The following MATN2 variants were observed in gnomAD, a reference collection of about 807,000 sequenced individuals.
The protein encoded by MATN2 is matrilin-2.
Under a neutral mutation model 103.2 loss-of-function variants are expected in MATN2, and 69 were observed. That is an observed-to-expected ratio of 0.67 (90% CI 0.55 to 0.82). MATN2 has a LOEUF of 0.82. MATN2 is among the 40% of genes least tolerant of loss of function. The pLI is 0.00. For synonymous variants in MATN2, 429 were observed against 450.2 expected, an observed-to-expected ratio of 0.95 and a Z score of 0.60; for missense variants, 1,023 against 1,211.5, an observed-to-expected ratio of 0.84 and a Z score of 2.31.
At chr8:97,944,156 C>T (rs1810667783) in intron 4 of MATN2, among the ~76,000 whole-genome samples, 1 of 152,200 alleles carries the variant, frequency 6.6e-6, no homozygotes, top group African/African-American at 2.4e-5. Flanking sequence ...CAGGCTTTCT[C>T]AAACTTCAGT....
At chr8:97,993,810 C>T (rs922237207) in intron 6 of MATN2, among the ~76,000 whole-genome samples, 1 of 152,054 alleles carries the variant, frequency 6.6e-6, no homozygotes, top group Admixed American at 6.5e-5. Flanking sequence ...GCTTTGGGAA[C>T]GTTTAATTGT....
chr8:98,030,206 C>T (rs1050712554), intron 14 of MATN2, among the ~76,000 whole-genome samples: 3 of 152,188 alleles, frequency 2.0e-5, no homozygotes, highest in African/African-American at 7.2e-5. Flanking sequence ...TGTTAAATGG[C>T]CCAGCCCAGG....
At chr8:97,876,101 T>G (rs1339634687) in intron 1 of MATN2, among the ~76,000 whole-genome samples, 1 of 151,874 alleles carries the variant, frequency 6.6e-6, no homozygotes, top group Non-Finnish European at 1.5e-5. Flanking sequence ...TCACTGCAAC[T>G]TCCTGGCTCT....
At position 97,982,828 on chromosome 8, in the gene MATN2, T is replaced by C. The variant is rs1290529468; in HGVS notation, c.1081+3820T>C. Reference sequence around the variant, plus strand: ...CTTTTTCTGGTATTGTTATAAAACATACATAATAGAAAATTTACCACTGTA... The same window carrying C: ...CTTTTTCTGGTATTGTTATAAAACACACATAATAGAAAATTTACCACTGTA... On this transcript the variant is annotated intron_variant, in intron 6 of 18. Transcript: ENST00000254898. This position sits in a 1 kb window ranked among gnomAD's most constrained non-coding sequence, Gnocchi z 4.3. Among the ~76,000 whole-genome samples the C allele has an allele frequency of 2.0e-5, 3 of 152,156 alleles. No individual in the cohort carries two copies. The highest frequency in any genetic ancestry group is 4.8e-5 in the African/African-American group (2 of 41,406).
rs370242394 is a variant in MATN2 at position 98,018,043 on chromosome 8, G to A, written c.1746G>A (p.Val582=). ...ACCATGGCTGTGAACACATTTGTGT[G>A]AACAGTGATGACTCATACACGTGCG... The part of the protein sequence containing the change: ...AIDHGCEHIC[V]NSDDSYTCEC... The change falls in exon 12 of 19, where the codon GTG becomes GTA. Residue 582 remains valine, a synonymous_variant. Coordinates refer to ENST00000254898, the MANE Select transcript of MATN2 (RefSeq NM_002380.5). The A allele has an allele frequency of 2.5e-6, 4 of 1,613,778 alleles. No homozygotes were observed. Among genetic ancestry groups the A allele is most frequent in the Admixed American group, 1.7e-5 (1 of 60,006 alleles).
intron 5 of MATN2, among the ~76,000 whole-genome samples, chr8:97,965,466 A>C (rs1811449704): frequency 6.6e-6 from 1 of 152,124 alleles, no homozygotes; most frequent in African/African-American, 2.4e-5. Flanking sequence ...TTTGAGGTGC[A>C]ACTGTAGGAA....
At chr8:97,876,818 T>A (rs949813068) in intron 1 of MATN2, among the ~76,000 whole-genome samples, 3 of 152,170 alleles carry the variant, frequency 2.0e-5, no homozygotes, top group African/African-American at 7.2e-5. Flanking sequence ...CTGATTCCTA[T>A]GATTGTGGAT....
chr8:97,927,899 A>G (rs1768973560), intron 2 of MATN2, among the ~76,000 whole-genome samples: 1 of 152,222 alleles, frequency 6.6e-6, no homozygotes, highest in Admixed American at 6.5e-5. Flanking sequence ...CTCCAAAGGA[A>G]GAGAGTTCTC....
At chr8:97,894,323 C>CTTTTTTT (rs58988866) in intron 2 of MATN2, among the ~76,000 whole-genome samples, 1 of 59,212 alleles carries the variant, frequency 1.7e-5, no homozygotes, top group Non-Finnish European at 3.1e-5. Flanking sequence ...AAGAATTCAC[C>CTTTTTTT]TTTTTTTTTT....
intron 4 of MATN2, among the ~76,000 whole-genome samples, chr8:97,946,841 T>C (rs921005373): frequency 6.6e-6 from 1 of 152,212 alleles, no homozygotes; most frequent in African/African-American, 2.4e-5. Flanking sequence ...CCAAGCTACA[T>C]AAGTGATTTA....
At chr8:97,952,949 A>T (rs1325092822) in intron 4 of MATN2, among the ~76,000 whole-genome samples, 2 of 111,752 alleles carry the variant, frequency 1.8e-5, no homozygotes, top group Non-Finnish European at 3.4e-5. Flanking sequence ...TTGAGACAGG[A>T]TCTCGCTCTG....
At chr8:97,954,710 G>A (rs1461954067) in intron 4 of MATN2, among the ~76,000 whole-genome samples, 3 of 152,164 alleles carry the variant, frequency 2.0e-5, no homozygotes, top group Non-Finnish European at 2.9e-5. Flanking sequence ...CCGTTCCATC[G>A]TTGAATAGAT....
intron 4 of MATN2, among the ~76,000 whole-genome samples, chr8:97,955,767 C>T (rs1811125551): frequency 1.3e-5 from 2 of 152,188 alleles, no homozygotes; most frequent in Non-Finnish European, 1.5e-5. Flanking sequence ...ACCTGACAAC[C>T]CTGTGCTTGT....
At chr8:97,876,777 G>A (rs1387611555) in intron 1 of MATN2, among the ~76,000 whole-genome samples, 1 of 152,150 alleles carries the variant, frequency 6.6e-6, no homozygotes, top group Non-Finnish European at 1.5e-5. Context: ...GGCTCTTTCT[G>A]TGCACTAACA....
chr8:97,907,502 T>A (rs1471536977), intron 2 of MATN2, among the ~76,000 whole-genome samples: 3 of 151,100 alleles, frequency 2.0e-5, no homozygotes, highest in East Asian at 3.9e-4. Context: ...TTTTGTATTT[T>A]TAGTAGAGAT....
intron 6 of MATN2, among the ~76,000 whole-genome samples, chr8:97,984,984 A>T (rs184049309): frequency 1.2e-4 from 19 of 152,260 alleles, no homozygotes; most frequent in Non-Finnish European, 2.6e-4. Context: ...TCTATGAAAT[A>T]AAATGATCTG....
chr8:98,021,453 A>G (rs986744235), intron 13 of MATN2, 126 bp downstream of exon 13: 30 of 1,061,976 alleles, frequency 2.8e-5, no homozygotes, highest in African/African-American at 4.8e-5. Flanking sequence ...ATGCACAAAT[A>G]CAGAATGGGG....
At chr8:97,991,470 CTA>C (rs941021089) in intron 6 of MATN2, among the ~76,000 whole-genome samples, 1 of 152,186 alleles carries the variant, frequency 6.6e-6, no homozygotes, top group African/African-American at 2.4e-5. Context: ...GCCTGTAATC[CTA>C]GCACTTTGAG....
At chr8:97,915,378 T>C (rs1217284751) in intron 2 of MATN2, among the ~76,000 whole-genome samples, 2 of 152,196 alleles carry the variant, frequency 1.3e-5, no homozygotes, top group African/African-American at 4.8e-5. Flanking sequence ...TCTCATACTC[T>C]ATCCCTAGCA....
Sources: gnomAD v4.1 joint callset for allele counts (sites outside exome capture counted in the v4.1 genomes callset) on GRCh38, gnomAD v4.1.1 for gene constraint, Gnocchi (gnomAD v3.1) non-coding constraint, MANE v1.5 for transcripts, NCBI Gene and HGNC (gene_info 2026-07-23, HGNC 2026-07-21) for gene names.